Variants in COPZ1 observed in about 807,000 individuals in gnomAD.
The protein encoded by COPZ1 is coat protein complex I subunit zeta 1.
A neutral mutation model predicts 31.7 loss-of-function variants in COPZ1; 4 were observed. The observed-to-expected ratio is 0.13, with a 90% CI of 0.06 to 0.29. The LOEUF (loss-of-function observed/expected upper bound fraction) is 0.29. COPZ1 is among the 10% of genes least tolerant of loss of function. COPZ1 has a pLI of 1.00. For missense variants in COPZ1, 156 were observed against 211.5 expected (o/e 0.74, Z 1.63); for synonymous variants, 74 against 79.0 (o/e 0.94, Z 0.33).
intron 1 of COPZ1, among the ~76,000 whole-genome samples, chr12:54,333,145 G>A (rs974771596): frequency 6.6e-6 from 1 of 152,126 alleles, no homozygotes; most frequent in African/African-American, 2.4e-5. Context: ...CGGGGTTTAA[G>A]CAATTCTCAT....
intron 4 of COPZ1, chr12:54,344,563 G>A (rs1954027903): frequency 6.6e-6 from 1 of 152,276 alleles, no homozygotes; most frequent in African/African-American, 2.4e-5. Flanking sequence ...GGGCAACAGA[G>A]CGAGACTCCG....
chr12:54,336,427 G>C (rs777705610), intron 1 of COPZ1, among the ~76,000 whole-genome samples: 4 of 152,086 alleles, frequency 2.6e-5, no homozygotes, highest in Non-Finnish European at 4.4e-5. Context: ...TGTAGTCCCA[G>C]CTACTCGGGA....
chr12:54,340,625 C>G lies in COPZ1; in HGVS notation c.87+10C>G. ...TCGACTTTTTGCCAAGGTGAGATTCCCTTTCGAATTAGTTTAGGAACAGCA... is the reference window on the plus strand; with the variant it reads ...TCGACTTTTTGCCAAGGTGAGATTCGCTTTCGAATTAGTTTAGGAACAGCA... On this transcript the variant is annotated intron_variant, in intron 2 of 8. Transcript: ENST00000262061. 6.2e-7 allele frequency: 1 copy of G among 1,612,580 alleles called. No homozygotes were observed. The highest frequency in any genetic ancestry group is 8.5e-7 in the Non-Finnish European group (1 of 1,179,340).
At chr12:54,349,952 C>T in intron 8 of COPZ1, 1 of 593,638 alleles carries the variant, frequency 1.7e-6, no homozygotes, top group South Asian at 2.0e-5. Flanking sequence ...CAGAGGCTTG[C>T]CTTAAGCAGA....
At chr12:54,326,682 G>GTGTGTGTGTGTGT (rs1178809746) in intron 1 of COPZ1, among the ~76,000 whole-genome samples, 1 of 106,216 alleles carries the variant, frequency 9.4e-6, no homozygotes, top group African/African-American at 3.2e-5. Context: ...TGTGTGTGTA[G>GTGTGTGTGTGTGT]GTAGGTAGGT....
intron 4 of COPZ1, among the ~76,000 whole-genome samples, chr12:54,344,407 A>T: frequency 6.6e-6 from 1 of 152,116 alleles, no homozygotes; most frequent in East Asian, 1.9e-4. Context: ...GTGAAACCCC[A>T]TGTCTACTAA....
chr12:54,336,579 T>C (rs1953869722), intron 1 of COPZ1, among the ~76,000 whole-genome samples: 1 of 151,598 alleles, frequency 6.6e-6, no homozygotes, highest in Non-Finnish European at 1.5e-5. Flanking sequence ...TTGAAAAATA[T>C]TTTTGCTTAT....
rs998196235 is a variant in COPZ1 at position 54,325,198 on chromosome 12, C to T, written c.18+17C>T. On this transcript the variant is annotated intron_variant, in intron 1 of 8. Coordinates refer to ENST00000262061, the MANE Select transcript of COPZ1 (RefSeq NM_016057.3). ...CTGATTTTGGTAGGAGCTGGAGGGG[C>T]AGCAGAGATGCTGTGGTGTCCACAG... The T allele has an allele frequency of 1.9e-6, 3 of 1,557,386 alleles. No homozygotes were observed. The highest frequency in any genetic ancestry group is 1.9e-5 in the Admixed American group (1 of 51,692).
intron 5 of COPZ1, 131 bp downstream of exon 5, chr12:54,345,646 G>A: frequency 1.4e-6 from 1 of 704,572 alleles, no homozygotes. Flanking sequence ...AAGGCTCCAG[G>A]GAGTTGATTT....
At chr12:54,342,853 C>CTTTT (rs11321130) in intron 3 of COPZ1, among the ~76,000 whole-genome samples, 7 of 94,618 alleles carry the variant, frequency 7.4e-5, no homozygotes, top group Admixed American at 1.2e-4. Context: ...GTAACGCCTT[C>CTTTT]TTTTTTTTTT....
intron 1 of COPZ1, among the ~76,000 whole-genome samples, chr12:54,329,010 A>G (rs1202307500): frequency 6.6e-6 from 1 of 152,172 alleles, no homozygotes; most frequent in Non-Finnish European, 1.5e-5. Flanking sequence ...TCTTTCTTGA[A>G]TTAAGTAATC....
chr12:54,337,663 C>T (rs1054884262), intron 1 of COPZ1, among the ~76,000 whole-genome samples: 3 of 152,198 alleles, frequency 2.0e-5, no homozygotes, highest in Non-Finnish European at 2.9e-5. Flanking sequence ...CTGCTGGCTC[C>T]AGCTGTAGCA....
In COPZ1 at chr12:54,338,888, A is replaced by C. The variant is rs201021310; in HGVS notation, c.19-1659A>C. On this transcript the variant is annotated intron_variant, in intron 1 of 8. Transcript: ENST00000262061. Reference sequence around the variant, plus strand: ...TCCTCTGCCCCCGCAAACAGGGTTGATTCTTTGCATGGAACCATAAACCTC... The same window carrying C: ...TCCTCTGCCCCCGCAAACAGGGTTGCTTCTTTGCATGGAACCATAAACCTC... 2.5e-3 allele frequency among the ~76,000 whole-genome samples: 384 copies of C among 152,302 alleles called. 3 individuals are homozygous for C. The highest frequency in any genetic ancestry group is 8.8e-3 in the African/African-American group (364 of 41,566).
At chr12:54,327,523 T>G (rs1953676797) in intron 1 of COPZ1, among the ~76,000 whole-genome samples, 4 of 151,910 alleles carry the variant, frequency 2.6e-5, no homozygotes, top group African/African-American at 9.7e-5. Context: ...TCTTGAACTC[T>G]TGAGCTCAGG....
In COPZ1 at chr12:54,351,475, C is replaced by T. The variant is rs561420255; in HGVS notation, c.*952C>T. 8 of 152,426 alleles carry T rather than the reference C, an allele frequency of 5.2e-5. No individual in the cohort carries two copies. The East Asian group carries it at 1.5e-3, about 29-fold the overall frequency. 9.4% of individuals were successfully genotyped at this position (152,426 alleles called of 1,614,324 possible). ...CTGCAGTCGCTGCAACCTACCCTCTCTCTGCCTCAGCCTTACACCCAAGCA... is the reference window on the plus strand; with the variant it reads ...CTGCAGTCGCTGCAACCTACCCTCTTTCTGCCTCAGCCTTACACCCAAGCA... On this transcript the variant is annotated 3_prime_UTR_variant, in exon 9 of 9. Transcript: ENST00000262061.
chr12:54,329,340 C>G (rs576858410), intron 1 of COPZ1, among the ~76,000 whole-genome samples: 1 of 152,176 alleles, frequency 6.6e-6, no homozygotes, highest in East Asian at 1.9e-4. Context: ...TGGCTCACAC[C>G]TGTAATCCTG....
At chr12:54,337,565 G>T (rs1266727394) in intron 1 of COPZ1, among the ~76,000 whole-genome samples, 2 of 152,178 alleles carry the variant, frequency 1.3e-5, no homozygotes, top group Non-Finnish European at 1.5e-5. Flanking sequence ...TAGTTTTATG[G>T]CATAGCCCTC....
chr12:54,327,629 T>C (rs1268224879), intron 1 of COPZ1, among the ~76,000 whole-genome samples: 2 of 152,100 alleles, frequency 1.3e-5, no homozygotes, highest in Non-Finnish European at 2.9e-5. Flanking sequence ...TTGAGTGCAG[T>C]GGCTCATGCC....
intron 1 of COPZ1, chr12:54,337,323 C>A (rs781498493): frequency 1.9e-6 from 1 of 533,372 alleles, no homozygotes; most frequent in East Asian, 5.5e-5. Flanking sequence ...TAGCAGCTAC[C>A]CATTTTGGGA....
Sources: gnomAD v4.1 joint callset for allele counts (sites outside exome capture counted in the v4.1 genomes callset) on GRCh38, gnomAD v4.1.1 for gene constraint, MANE v1.5 for transcripts, NCBI Gene and HGNC (gene_info 2026-07-23, HGNC 2026-07-21) for gene names.